Variants in PDE1A observed in about 807,000 individuals in gnomAD.
PDE1A encodes phosphodiesterase 1A.
A neutral mutation model predicts 61.7 loss-of-function variants in PDE1A; 35 were observed. That is an observed-to-expected ratio of 0.57 (90% CI 0.43 to 0.75). PDE1A has a LOEUF of 0.75. PDE1A is among the 30% of genes least tolerant of loss of function. PDE1A has a pLI of 0.00. For missense variants in PDE1A, 597 were observed against 630.6 expected (o/e 0.95, Z 0.57); for synonymous variants, 232 against 213.2 (o/e 1.09, Z -0.77).
chr2:182,636,180 G>A, the PDE1A span, among the ~76,000 whole-genome samples: 2 of 151,440 alleles, frequency 1.3e-5, no homozygotes, highest in African/African-American at 4.9e-5. Context: ...GGATGGTCTC[G>A]ATCTCCTGAC....
At chr2:182,547,414 C>G in the PDE1A span, among the ~76,000 whole-genome samples, 6 of 152,322 alleles carry the variant, frequency 3.9e-5, no homozygotes, top group South Asian at 1.2e-3. Flanking sequence ...CCATCTTATG[C>G]CTTCCTGCCT....
At chr2:182,632,874 CTG>C in the PDE1A span, among the ~76,000 whole-genome samples, 231 of 152,312 alleles carry the variant, frequency 1.5e-3, 1 homozygote, top group Middle Eastern at 0.01. Context: ...CTTTGTTTCT[CTG>C]TTTCTTAATT....
intron 1 of PDE1A, among the ~76,000 whole-genome samples, chr2:182,306,767 T>C (rs1268869266): frequency 6.6e-6 from 1 of 152,150 alleles, no homozygotes; most frequent in Non-Finnish European, 1.5e-5. Context: ...AAGAATGACA[T>C]TGGATCCTTA....
At chr2:182,647,843 G>T in the PDE1A span, among the ~76,000 whole-genome samples, 8 of 152,008 alleles carry the variant, frequency 5.3e-5, no homozygotes, top group African/African-American at 1.9e-4. Context: ...ACAATTAAAT[G>T]AAATTCTGTC....
upstream of PDE1A, among the ~76,000 whole-genome samples, chr2:182,427,851 C>A (rs1703710154): frequency 6.6e-6 from 1 of 152,012 alleles, no homozygotes; most frequent in African/African-American, 2.4e-5. Context: ...TAAACTAAAT[C>A]ATTTCAAAGC....
At chr2:182,555,188 A>C in the PDE1A span, among the ~76,000 whole-genome samples, 1 of 152,248 alleles carries the variant, frequency 6.6e-6, no homozygotes, top group Non-Finnish European at 1.5e-5. Flanking sequence ...CACTCTAGAC[A>C]ATAAACAGAA....
intron 2 of PDE1A, among the ~76,000 whole-genome samples, chr2:182,486,324 T>C (rs1015063246): frequency 2.6e-5 from 4 of 152,014 alleles, no homozygotes; most frequent in African/African-American, 9.7e-5. Context: ...TAGATGGACA[T>C]TATATGTTTA....
intron 1 of PDE1A, among the ~76,000 whole-genome samples, chr2:182,332,147 C>T (rs1697455844): frequency 6.6e-6 from 1 of 152,150 alleles, no homozygotes; most frequent in Non-Finnish European, 1.5e-5. Flanking sequence ...GATTCAGCTA[C>T]TGATACTTGT....
the PDE1A span, among the ~76,000 whole-genome samples, chr2:182,627,260 T>TA: frequency 6.0e-4 from 21 of 34,724 alleles, 4 homozygotes; most frequent in Admixed American, 1.6e-3. Flanking sequence ...TAATATATTA[T>TA]TTATATATAA....
chr2:182,574,642 T>C, the PDE1A span, among the ~76,000 whole-genome samples: 1 of 152,200 alleles, frequency 6.6e-6, no homozygotes, highest in Non-Finnish European at 1.5e-5. Flanking sequence ...AACATGTTTT[T>C]AACAAAAGGA....
At chr2:182,223,045 C>G (rs1228341826) in intron 7 of PDE1A, among the ~76,000 whole-genome samples, 2 of 151,900 alleles carry the variant, frequency 1.3e-5, no homozygotes, top group African/African-American at 4.8e-5. Context: ...TATTTGGAGA[C>G]AGGGCTATTA....
intron 2 of PDE1A, among the ~76,000 whole-genome samples, chr2:182,480,136 T>C (rs1687615174): frequency 6.6e-6 from 1 of 151,940 alleles, no homozygotes; most frequent in Non-Finnish European, 1.5e-5. Context: ...GTATGACTGC[T>C]AAAGCAAAGA....
chr2:182,651,883 CAA>C, the PDE1A span, among the ~76,000 whole-genome samples: 1 of 152,192 alleles, frequency 6.6e-6, no homozygotes, highest in African/African-American at 2.4e-5. Flanking sequence ...CCTAAAGCTG[CAA>C]ACTTGGAATC....
At chr2:182,234,439 G>A (rs766387436) in exon 4 of PDE1A, 11 of 1,599,534 alleles carry the variant, frequency 6.9e-6, no homozygotes, top group East Asian at 2.3e-5. Flanking sequence ...CACCTTTAAT[G>A]TTACGATGAC....
chr2:182,400,845 C>A (rs1310097013), intron 1 of PDE1A, among the ~76,000 whole-genome samples: 1 of 152,190 alleles, frequency 6.6e-6, no homozygotes. Context: ...ACAGAGATTT[C>A]TTTCATAAAG....
At chr2:182,219,436 A>G (rs565595839) in intron 7 of PDE1A, among the ~76,000 whole-genome samples, 1 of 152,234 alleles carries the variant, frequency 6.6e-6, no homozygotes, top group South Asian at 2.1e-4. Flanking sequence ...TTGCCAGATC[A>G]TTATGCAAGT....
upstream of PDE1A, among the ~76,000 whole-genome samples, chr2:182,524,114 A>C (rs1407446783): frequency 1.3e-5 from 2 of 152,156 alleles, no homozygotes; most frequent in Non-Finnish European, 2.9e-5. Flanking sequence ...GAAATAAGTG[A>C]ATCTTTGCCC....
At chr2:182,604,877 G>A in the PDE1A span, among the ~76,000 whole-genome samples, 4 of 151,848 alleles carry the variant, frequency 2.6e-5, no homozygotes, top group African/African-American at 7.3e-5. Flanking sequence ...AGTATTATAC[G>A]TCAGGTACTC....
the PDE1A span, among the ~76,000 whole-genome samples, chr2:182,697,131 TA>T: frequency 6.6e-6 from 1 of 152,142 alleles, no homozygotes; most frequent in Non-Finnish European, 1.5e-5. Context: ...TGAGAGTCAT[TA>T]CCATCTTTTA....
Sources: allele counts gnomAD v4.1 joint callset (sites outside exome capture counted in the v4.1 genomes callset), GRCh38; gene constraint gnomAD v4.1.1; transcripts MANE v1.5; gene names NCBI Gene and HGNC (gene_info 2026-07-23, HGNC 2026-07-21).